NPAS3: variants seen among roughly 807,000 people sequenced by gnomAD.
NPAS3 encodes neuronal PAS domain-containing protein 3.
A neutral mutation model predicts 73.1 loss-of-function variants in NPAS3; 14 were observed. The observed-to-expected ratio is 0.19, with a 90% CI of 0.13 to 0.30. The LOEUF (loss-of-function observed/expected upper bound fraction) is 0.30. NPAS3 is among the 10% of genes least tolerant of loss of function. The probability of loss-of-function intolerance (pLI) is 1.00; values close to 1 mark genes in which losing one functional copy is unlikely to be tolerated. For synonymous variants in NPAS3, 620 were observed against 541.5 expected (o/e 1.14, Z -2.01); for missense variants, 1,096 against 1,250.0 (o/e 0.88, Z 1.86).
chr14:33,687,307 A>G (rs1228093250), intron 6 of NPAS3, among the ~76,000 whole-genome samples: 1 of 152,198 alleles, frequency 6.6e-6, no homozygotes, highest in Non-Finnish European at 1.5e-5. Context: ...TTAATATGTA[A>G]ATATGCTTAG....
intron 3 of NPAS3, among the ~76,000 whole-genome samples, chr14:33,295,670 C>A (rs994232086): frequency 6.6e-6 from 1 of 152,170 alleles, no homozygotes; most frequent in African/African-American, 2.4e-5. Flanking sequence ...ATCCTTTTCC[C>A]AAATTTTAAT....
At chr14:33,294,596 A>G (rs1157789744) in intron 3 of NPAS3, among the ~76,000 whole-genome samples, 1 of 152,106 alleles carries the variant, frequency 6.6e-6, no homozygotes, top group Non-Finnish European at 1.5e-5. Context: ...GCTTGGCTCT[A>G]TATTCTTAGT....
intron 4 of NPAS3, among the ~76,000 whole-genome samples, chr14:33,424,340 G>A (rs1259978109): frequency 2.0e-5 from 3 of 151,984 alleles, no homozygotes; most frequent in African/African-American, 7.2e-5. Context: ...GGCTTAGTGA[G>A]GACACCTGGA....
At chr14:33,041,420 C>T (rs1299551001) in intron 1 of NPAS3, among the ~76,000 whole-genome samples, 1 of 152,158 alleles carries the variant, frequency 6.6e-6, no homozygotes, top group African/African-American at 2.4e-5. Context: ...ACAATTTCTT[C>T]AACAGATATA....
In NPAS3 at chr14:33,799,599, C is replaced by T. The variant is rs1255903412; in HGVS notation, c.1427-135C>T. The stretch of plus-strand genomic sequence containing the variant: ...GTCCTCTGAAGGTGATGGAGAAGCC[C>T]GTGATGAGGACGGACACTTGCCCTG... On this transcript the variant is annotated intron_variant, in intron 11 of 11. Transcript: ENST00000356141. 17 of 837,594 alleles carry T rather than the reference C, an allele frequency of 2.0e-5. No individual in the cohort carries two copies. In the Admixed American group the frequency reaches 3.1e-4, roughly 15 times the overall value. 51.9% of individuals were successfully genotyped at this position (837,594 alleles called of 1,614,324 possible).
At chr14:33,068,425 A>C (rs1324790450) in intron 2 of NPAS3, among the ~76,000 whole-genome samples, 1 of 152,110 alleles carries the variant, frequency 6.6e-6, no homozygotes, top group African/African-American at 2.4e-5. Flanking sequence ...TGTTTTATCC[A>C]CAGTGGTTTC....
chr14:33,129,640 T>C (rs1321355165), intron 2 of NPAS3, among the ~76,000 whole-genome samples: 1 of 152,152 alleles, frequency 6.6e-6, no homozygotes, highest in Non-Finnish European at 1.5e-5. Context: ...TGTAGTAGTT[T>C]TAGAATCCAA....
chr14:33,149,444 C>T (rs1177147924), intron 2 of NPAS3, among the ~76,000 whole-genome samples: 2 of 152,334 alleles, frequency 1.3e-5, no homozygotes, highest in South Asian at 2.1e-4. Flanking sequence ...TAAATGCCTA[C>T]AGCCATAAAT....
At chr14:33,242,804 A>C (rs2048252684) in intron 3 of NPAS3, among the ~76,000 whole-genome samples, 1 of 152,162 alleles carries the variant, frequency 6.6e-6, no homozygotes, top group South Asian at 2.1e-4. Context: ...CATTGCTCCA[A>C]GATAAATCTA....
At chr14:33,529,500 G>C (rs1389223358) in intron 4 of NPAS3, among the ~76,000 whole-genome samples, 1 of 152,044 alleles carries the variant, frequency 6.6e-6, no homozygotes, top group African/African-American at 2.4e-5. Context: ...TTCAGAATTT[G>C]ATGATGGATG....
Position 33,672,703 on chromosome 14 carries a change from A to G in NPAS3, c.559-3508A>G, listed in dbSNP as rs944090. 8.0e-3 allele frequency among the ~76,000 whole-genome samples: 223 copies of G among 27,780 alleles called. 1 individual carries two copies. The highest frequency in any genetic ancestry group is 0.062 in the African/African-American group (175 of 2,842). The allele number at this position is 27,780 out of a possible 152,430, so 18.2% of individuals were successfully genotyped here. A position where few individuals can be genotyped will look rare whatever the true frequency, so the allele number is the denominator to read the frequency against. On this transcript the variant is annotated intron_variant, in intron 5 of 11. Transcript: ENST00000356141. ...ACCTGGTGAGTACCCATAAGAGAGAAAAAAAAAAAAAAATCAGACAAGGGT... is the reference window on the plus strand; with the variant it reads ...ACCTGGTGAGTACCCATAAGAGAGAGAAAAAAAAAAAAATCAGACAAGGGT...
rs1051959426 is a variant in NPAS3 at position 33,641,709 on chromosome 14, C to T, written c.559-34502C>T. On this transcript the variant is annotated intron_variant, in intron 5 of 11. Transcript: ENST00000356141. ...AGCATAGTGATGCTCCTAATTTTCTCGGTGTTTATTTCTGTCTATGGTCTC... is the reference window on the plus strand; with the variant it reads ...AGCATAGTGATGCTCCTAATTTTCTTGGTGTTTATTTCTGTCTATGGTCTC... Among the ~76,000 whole-genome samples, 4 of 151,910 alleles carry T rather than the reference C, an allele frequency of 2.6e-5. No individual in the cohort carries two copies. The East Asian group carries it at 5.8e-4, about 22-fold the overall frequency.
At chr14:33,046,955 C>T (rs1049274415) in intron 1 of NPAS3, among the ~76,000 whole-genome samples, 1 of 152,060 alleles carries the variant, frequency 6.6e-6, no homozygotes. Context: ...GCCTGGGTGA[C>T]AGAGTGAGAC....
intron 4 of NPAS3, among the ~76,000 whole-genome samples, chr14:33,484,076 A>C (rs1282077101): frequency 2.0e-5 from 3 of 152,236 alleles, no homozygotes; most frequent in Admixed American, 6.5e-5. Flanking sequence ...TGCTGCCTTC[A>C]TGAAATTTAT....
chr14:33,352,988 TGAGAG>T (rs1000710227), intron 3 of NPAS3, among the ~76,000 whole-genome samples: 3 of 152,108 alleles, frequency 2.0e-5, no homozygotes, highest in African/African-American at 7.2e-5. Context: ...GGAATAAAAA[TGAGAG>T]GAGAGCTAAG....
intron 2 of NPAS3, among the ~76,000 whole-genome samples, chr14:33,194,805 C>G (rs1272550328): frequency 8.5e-5 from 13 of 152,094 alleles, no homozygotes; most frequent in Admixed American, 2.6e-4. Context: ...TTTTCAATGG[C>G]TAAAATAGGG....
chr14:33,783,812 G>T (rs1566537266), intron 9 of NPAS3, among the ~76,000 whole-genome samples: 1 of 152,156 alleles, frequency 6.6e-6, no homozygotes, highest in Non-Finnish European at 1.5e-5. Context: ...ATCAGAATCT[G>T]CAGTTAGCAA....
At chr14:33,171,152 C>A (rs545833522) in intron 2 of NPAS3, among the ~76,000 whole-genome samples, 1 of 152,334 alleles carries the variant, frequency 6.6e-6, no homozygotes, top group South Asian at 2.1e-4. Context: ...TCCATCAGAG[C>A]TCTTGGGTGA....
intron 4 of NPAS3, among the ~76,000 whole-genome samples, chr14:33,434,936 G>C (rs1250069040): frequency 2.0e-5 from 3 of 152,148 alleles, no homozygotes; most frequent in Admixed American, 2.0e-4. Flanking sequence ...AATTTTGAGG[G>C]GGGTGTGGTT....
Sources: allele counts gnomAD v4.1 joint callset (sites outside exome capture counted in the v4.1 genomes callset), GRCh38; gene constraint gnomAD v4.1.1; transcripts MANE v1.5; gene names NCBI Gene and HGNC (gene_info 2026-07-23, HGNC 2026-07-21).